The following SLC17A1 variants were observed in gnomAD, a reference collection of about 807,000 sequenced individuals.
The protein encoded by SLC17A1 is sodium-dependent phosphate transport protein 1.
SLC17A1 carries 51 observed loss-of-function variants against 53.5 expected under a neutral mutation model. That is an observed-to-expected ratio of 0.95 (90% CI 0.76 to 1.20). SLC17A1 has a LOEUF of 1.20. Among genes scored for constraint, SLC17A1 ranks in the 50% most tolerant of loss-of-function variants. SLC17A1 has a pLI of 0.00. For synonymous variants in SLC17A1, 179 were observed against 198.8 expected, an observed-to-expected ratio of 0.90 and a Z score of 0.84; for missense variants, 538 against 568.2, an observed-to-expected ratio of 0.95 and a Z score of 0.54.
chr6:25,797,604 A>G (rs918768314), intron 12 of SLC17A1, among the ~76,000 whole-genome samples: 1 of 147,884 alleles, frequency 6.8e-6, no homozygotes, highest in Non-Finnish European at 1.5e-5. Context: ...ATCCATTTCT[A>G]CCCCAGTTTT....
the SLC17A1 span, among the ~76,000 whole-genome samples, chr6:25,757,160 A>T: frequency 1.3e-5 from 2 of 152,210 alleles, no homozygotes; most frequent in African/African-American, 4.8e-5. Flanking sequence ...GAATGACATC[A>T]TTGAGGCAAC....
the SLC17A1 span, among the ~76,000 whole-genome samples, chr6:25,734,324 G>T: frequency 1.3e-5 from 2 of 152,254 alleles, no homozygotes; most frequent in African/African-American, 4.8e-5. Context: ...TTGAAGAAAT[G>T]TAAGAATTTC....
At chr6:25,770,592 CACTACCCCAT>C in the SLC17A1 span, 1 of 889,344 alleles carries the variant, frequency 1.1e-6, no homozygotes, top group Non-Finnish European at 1.9e-6. Context: ...TTCCTTAAAG[CACTACCCCAT>C]ACTGCCTTAC....
the SLC17A1 span, chr6:25,732,002 TC>T: frequency 6.4e-7 from 1 of 1,571,604 alleles, no homozygotes; most frequent in Non-Finnish European, 8.7e-7. Flanking sequence ...TGGAAGAGAT[TC>T]CAGTGTCCGC....
At chr6:25,738,379 A>T in the SLC17A1 span, among the ~76,000 whole-genome samples, 1 of 152,196 alleles carries the variant, frequency 6.6e-6, no homozygotes, top group Non-Finnish European at 1.5e-5. Flanking sequence ...ATGTTGACTT[A>T]AACCTTACAC....
the SLC17A1 span, among the ~76,000 whole-genome samples, chr6:25,755,151 A>G: frequency 6.6e-6 from 1 of 152,168 alleles, no homozygotes; most frequent in African/African-American, 2.4e-5. Flanking sequence ...TGTGAAGTAC[A>G]TTAATTTTTT....
At chr6:25,777,286 G>C in the SLC17A1 span, 1 of 248,066 alleles carries the variant, frequency 4.0e-6, no homozygotes, top group Non-Finnish European at 7.7e-6. Flanking sequence ...GATTCTATAG[G>C]GTATGCTCAT....
the SLC17A1 span, among the ~76,000 whole-genome samples, chr6:25,729,355 T>G: frequency 6.6e-6 from 1 of 152,204 alleles, no homozygotes; most frequent in Admixed American, 6.5e-5. Context: ...GTCTTGCCTC[T>G]GCCCTTCTCC....
At chr6:25,788,106 C>T (rs375930533) in intron 12 of SLC17A1, among the ~76,000 whole-genome samples, 19 of 152,262 alleles carry the variant, frequency 1.2e-4, no homozygotes, top group African/African-American at 3.6e-4. Flanking sequence ...TTAAACAAAT[C>T]AGCTGACGAG....
chr6:25,746,680 A>C, the SLC17A1 span, among the ~76,000 whole-genome samples: 1 of 152,196 alleles, frequency 6.6e-6, no homozygotes, highest in African/African-American at 2.4e-5. Flanking sequence ...ATGGTCAACT[A>C]TAAGACAGTA....
rs3778276 is a variant in SLC17A1, at chr6:25,817,168, C to T, written c.616+1900G>A. 5.3e-5 allele frequency among the ~76,000 whole-genome samples: 8 copies of T among 152,196 alleles called. No homozygotes were observed. In the East Asian group the frequency reaches 1.2e-3, roughly 22 times the overall value. ...CCAGCTGGCCAGGCCATTTTAAGTG[C>T]AAATGTAAGTCTGTGACTCAATTTA... On this transcript the variant is annotated intron_variant, in intron 6 of 12. Transcript: ENST00000244527.
chr6:25,729,816 G>T, the SLC17A1 span, among the ~76,000 whole-genome samples: 2 of 151,510 alleles, frequency 1.3e-5, no homozygotes, highest in Non-Finnish European at 2.9e-5. Context: ...ATTTTCTTGA[G>T]TTTTACATGT....
chr6:25,726,719 CG>C, the SLC17A1 span: 1 of 1,048,216 alleles, frequency 9.5e-7, no homozygotes, highest in Non-Finnish European at 1.4e-6. Context: ...TTTTGGATAC[CG>C]AACGCGGCGT....
Position 25,783,234 on chromosome 6 carries a change from A to C in SLC17A1, c.*3-16T>G, listed in dbSNP as rs1763305288. The C allele has an allele frequency of 6.6e-6, 1 of 152,212 alleles. No homozygotes were observed. The highest frequency in any genetic ancestry group is 1.5e-5 in the Non-Finnish European group (1 of 68,034). The allele number at this position is 152,212 out of a possible 1,614,324, so 9.4% of individuals were successfully genotyped here. ...CTGTTTCACACTAAGTTTTGTAAAC[A>C]AAGAAAAAAATAGTGCACACAAATG... On this transcript the variant is annotated splice_polypyrimidine_tract_variant and intron_variant, in intron 12 of 12. Coordinates refer to ENST00000244527, the MANE Select transcript of SLC17A1 (RefSeq NM_005074.5).
At chr6:25,754,516 GA>G in the SLC17A1 span, among the ~76,000 whole-genome samples, 1 of 152,162 alleles carries the variant, frequency 6.6e-6, no homozygotes, top group Non-Finnish European at 1.5e-5. Flanking sequence ...AAGGGACATT[GA>G]TTCTGATTAA....
the SLC17A1 span, among the ~76,000 whole-genome samples, chr6:25,738,037 A>T: frequency 6.6e-6 from 1 of 152,242 alleles, no homozygotes; most frequent in African/African-American, 2.4e-5. Context: ...AGAAAATAAA[A>T]CTCCCTATAT....
chr6:25,794,485 C>T (rs996615408), intron 12 of SLC17A1, among the ~76,000 whole-genome samples: 2 of 152,174 alleles, frequency 1.3e-5, no homozygotes, highest in Non-Finnish European at 2.9e-5. Context: ...CTACCACAAG[C>T]ACAATGCATG....
At chr6:25,761,879 T>C in the SLC17A1 span, 1 of 1,100,002 alleles carries the variant, frequency 9.1e-7, no homozygotes, top group Non-Finnish European at 1.3e-6. Context: ...TGGGGTAATA[T>C]CATATAAGAT....
chr6:25,813,315 C>T (rs900216276), intron 6 of SLC17A1, 102 bp from the exon 7 acceptor site: 2 of 943,786 alleles, frequency 2.1e-6, no homozygotes, highest in African/African-American at 3.3e-5. Context: ...ACTGGACCTC[C>T]TCTTTCTTTT....
Sources: allele counts gnomAD v4.1 joint callset (sites outside exome capture counted in the v4.1 genomes callset), GRCh38; gene constraint gnomAD v4.1.1; transcripts MANE v1.5; gene names NCBI Gene and HGNC (gene_info 2026-07-23, HGNC 2026-07-21).